Variants in ARID5A observed in about 807,000 individuals in gnomAD.
ARID5A encodes the protein AT-rich interactive domain-containing protein 5A.
In ARID5A, 14 loss-of-function variants were observed where a neutral mutation model predicts 30.5. The ratio of observed to expected loss-of-function variants is 0.46; its 90% CI spans 0.30 to 0.72. ARID5A has a LOEUF of 0.72. ARID5A is among the 30% of genes least tolerant of loss of function. The pLI, the probability that ARID5A is intolerant of heterozygous loss-of-function variation, is 0.07. For missense variants in ARID5A, 669 were observed against 786.2 expected (o/e 0.85, Z 1.78); for synonymous variants, 338 against 340.4 (o/e 0.99, Z 0.08).
chr2:96,536,972 G>C, intron 1 of ARID5A, 142 bp downstream of exon 1: 1 of 1,103,142 alleles, frequency 9.1e-7, no homozygotes, highest in Non-Finnish European at 1.1e-6. Context: ...TGGGTTTCGG[G>C]GCGCGGGCCA....
intron 2 of ARID5A, among the ~76,000 whole-genome samples, chr2:96,547,958 A>G (rs918425689): frequency 5.3e-5 from 8 of 152,330 alleles, no homozygotes; most frequent in Middle Eastern, 3.4e-3. Flanking sequence ...CTTTGGTGGC[A>G]CAGTCTGGAA....
chr2:96,542,221 C>T (rs1323525635), intron 1 of ARID5A, among the ~76,000 whole-genome samples: 1 of 152,192 alleles, frequency 6.6e-6, no homozygotes, highest in Non-Finnish European at 1.5e-5. Flanking sequence ...AGAGGACTCT[C>T]CCTTCTTGCT....
chr2:96,538,189 C>T (rs1469734412), intron 1 of ARID5A: 2 of 985,324 alleles, frequency 2.0e-6, no homozygotes, highest in East Asian at 1.1e-4. Flanking sequence ...GCCTCTGCCC[C>T]GTAGGTGAAA....
chr2:96,551,391 C>A lies in ARID5A; in HGVS notation c.863C>A (p.Ala288Glu), dbSNP rs758944425. The change falls in exon 7 of 7, where the codon GCG becomes GAG. Residue 288 changes from alanine (A) to glutamate (E), a missense_variant. Ala to Glu is a moderately radical substitution (Grantham distance 107, BLOSUM62 -1). This residue lies in a region of ARID5A where 548 missense variants were observed against 577.4 expected (regional missense o/e 0.95). Transcript: ENST00000357485. ...TGCCGCCATGGGGCAGAGCCCCAGG[C>A]GTCCCCAGCTGTTCACCTCCCAGAG... Reference protein sequence around the residue: ...EGCRHGAEPQASPAVHLPESP... With the variant: ...EGCRHGAEPQESPAVHLPESP... 6.2e-7 allele frequency: 1 copy of A among 1,609,962 alleles called. No individual in the cohort carries two copies. Among genetic ancestry groups the A allele is most frequent in the Non-Finnish European group, 8.5e-7 (1 of 1,178,862 alleles).
chr2:96,541,567 G>A (rs1319399521), intron 1 of ARID5A, among the ~76,000 whole-genome samples: 1 of 152,190 alleles, frequency 6.6e-6, no homozygotes, highest in African/African-American at 2.4e-5. Flanking sequence ...CATTGGAGGA[G>A]GAGGCTACTC....
rs964958739 is a variant in ARID5A, at chr2:96,536,772, C to G, written c.-55C>G. 6.6e-6 allele frequency: 8 copies of G among 1,214,850 alleles called. No individual in the cohort carries two copies. The highest frequency in any genetic ancestry group is 7.2e-6 in the Non-Finnish European group (7 of 977,890). 75.3% of individuals were successfully genotyped at this position (1,214,850 alleles called of 1,614,324 possible). On this transcript the variant is annotated 5_prime_UTR_variant, in exon 1 of 7. Coordinates refer to ENST00000357485, the MANE Select transcript of ARID5A (RefSeq NM_212481.3). Reference sequence around the variant, plus strand: ...CCAGTATCTCAGAGAGCGCGGGGTCCGGACAGCCGCGCGCTGAGGGTCTCG... The same window carrying G: ...CCAGTATCTCAGAGAGCGCGGGGTCGGGACAGCCGCGCGCTGAGGGTCTCG...
chr2:96,538,046 C>G, intron 1 of ARID5A: 1 of 985,520 alleles, frequency 1.0e-6, no homozygotes, highest in Non-Finnish European at 1.2e-6. Flanking sequence ...GAGGGCTTCA[C>G]CCCGCAGCAG....
Position 96,550,751 on chromosome 2 carries a change from T to C in ARID5A, c.570+18T>C. The C allele has an allele frequency of 6.5e-7, 1 of 1,541,768 alleles. No individual in the cohort carries two copies. The highest frequency in any genetic ancestry group is 8.7e-7 in the Non-Finnish European group (1 of 1,143,408). On this transcript the variant is annotated intron_variant, in intron 6 of 6. Transcript: ENST00000357485. The surrounding 1 kb of genome is among the most constrained non-coding windows in gnomAD (Gnocchi z 6.6). ...TGGACCAGGTAGGCCTGCGGCTGGC[T>C]GGGGCCACCCTGTCCCTTGCCTCTT...
At chr2:96,545,750 T>G (rs1044796139) in intron 1 of ARID5A, among the ~76,000 whole-genome samples, 4 of 151,648 alleles carry the variant, frequency 2.6e-5, no homozygotes, top group African/African-American at 9.7e-5. Flanking sequence ...GGTCAGGAGT[T>G]TGAGACCAGT....
intron 1 of ARID5A, among the ~76,000 whole-genome samples, chr2:96,546,892 CTCTGTG>C (rs2065938316): frequency 6.6e-6 from 1 of 152,216 alleles, no homozygotes; most frequent in African/African-American, 2.4e-5. Flanking sequence ...TGCTTCTCAA[CTCTGTG>C]TCTGAGCATG....
chr2:96,539,724 TC>T lies in ARID5A; in HGVS notation c.4+2899del, dbSNP rs1217363934. 8.7e-6 allele frequency among the ~76,000 whole-genome samples: 1 copy of T among 115,304 alleles called. No individual in the cohort carries two copies. The highest frequency in any genetic ancestry group is 4.0e-5 in the African/African-American group (1 of 25,126). 75.6% of individuals were successfully genotyped at this position (115,304 alleles called of 152,430 possible). A position where few individuals can be genotyped will look rare whatever the true frequency, so the allele number is the denominator to read the frequency against. ...TGGGGGCCATGCCCCTTCCCGGCCCTCCCCCTCTCCCCGCTGCTGCCCAGCT... is the reference window on the plus strand; with the variant it reads ...TGGGGGCCATGCCCCTTCCCGGCCCTCCCCTCTCCCCGCTGCTGCCCAGCT... On this transcript the variant is annotated intron_variant, in intron 1 of 6. Coordinates refer to ENST00000357485, the MANE Select transcript of ARID5A (RefSeq NM_212481.3). This position sits in a 1 kb window ranked among gnomAD's most constrained non-coding sequence, Gnocchi z 4.7.
chr2:96,543,287 G>A (rs1317646269), intron 1 of ARID5A, among the ~76,000 whole-genome samples: 1 of 152,156 alleles, frequency 6.6e-6, no homozygotes, highest in Non-Finnish European at 1.5e-5. Flanking sequence ...TCTTTAAAAT[G>A]GAATTCCTCC....
chr2:96,552,379 C>T lies in ARID5A; in HGVS notation c.*66C>T, dbSNP rs2066072138. 6.2e-7 allele frequency: 1 copy of T among 1,603,754 alleles called. No individual in the cohort carries two copies. ...GCCTACAACAGGCAGGTACTGCTGC[C>T]AGGGGGCTCTGAACTAGTGCCTGCT... On this transcript the variant is annotated 3_prime_UTR_variant, in exon 7 of 7. Coordinates refer to ENST00000357485, the MANE Select transcript of ARID5A (RefSeq NM_212481.3).
In ARID5A at chr2:96,549,268, A is replaced by T; in HGVS notation, c.121-53A>T. 2 of 1,589,706 alleles carry T rather than the reference A, an allele frequency of 1.3e-6. No individual in the cohort carries two copies. Among genetic ancestry groups the T allele is most frequent in the African/African-American group, 2.7e-5 (2 of 74,080 alleles). On this transcript the variant is annotated intron_variant, in intron 2 of 6. Coordinates refer to ENST00000357485, the MANE Select transcript of ARID5A (RefSeq NM_212481.3). The surrounding 1 kb of genome is among the most constrained non-coding windows in gnomAD (Gnocchi z 6.1). Reference sequence around the variant, plus strand: ...CAGCCAGTGGTTTCTGCACATCCCCAGCAGCCAGCCACCAACTGGGGCCCA... The same window carrying T: ...CAGCCAGTGGTTTCTGCACATCCCCTGCAGCCAGCCACCAACTGGGGCCCA...
rs2065947479 is a variant in ARID5A, at chr2:96,547,397, T to C, written c.5-5T>C. The C allele has an allele frequency of 6.2e-7, 1 of 1,613,336 alleles. No individual in the cohort carries two copies. Among genetic ancestry groups the C allele is most frequent in the East Asian group, 2.2e-5 (1 of 44,844 alleles). On this transcript the variant is annotated splice_region_variant and splice_polypyrimidine_tract_variant and intron_variant, in intron 1 of 6. Coordinates refer to ENST00000357485, the MANE Select transcript of ARID5A (RefSeq NM_212481.3). ...CCTCCTTACTCCTTCCCTCTCTCCT[T>C]GCAGCAGCCCCTGTCAAAGGGAACA...
Position 96,550,570 on chromosome 2 carries a change from C to T in ARID5A, c.411-4C>T, listed in dbSNP as rs2066017365. ...CCTGGGGGACATGCGTGGTTCCTCACCAGGCTGGTCCTGCCATACGTGCGG... is the reference window on the plus strand; with the variant it reads ...CCTGGGGGACATGCGTGGTTCCTCATCAGGCTGGTCCTGCCATACGTGCGG... On this transcript the variant is annotated splice_polypyrimidine_tract_variant and splice_region_variant and intron_variant, in intron 5 of 6. Transcript: ENST00000357485. This position sits in a 1 kb window ranked among gnomAD's most constrained non-coding sequence, Gnocchi z 6.6. 9 of 1,593,916 alleles carry T rather than the reference C, an allele frequency of 5.6e-6. No homozygotes were observed. Among genetic ancestry groups the T allele is most frequent in the Non-Finnish European group, 7.7e-6 (9 of 1,171,452 alleles).
Position 96,551,441 on chromosome 2 carries a change from A to C in ARID5A, c.913A>C (p.Thr305Pro). 6.3e-7 allele frequency: 1 copy of C among 1,595,888 alleles called. No individual in the cohort carries two copies. The highest frequency in any genetic ancestry group is 8.5e-7 in the Non-Finnish European group (1 of 1,171,878). ...PESPQSPKGL[T>P]ENSRHRLTPQ... is the part of the protein sequence containing the mutation. Reference sequence around the variant, plus strand: ...GAGTCCCCAGAGCCCCAAAGGGCTGACTGAGAACTCCAGGCACCGGCTGAC... The same window carrying C: ...GAGTCCCCAGAGCCCCAAAGGGCTGCCTGAGAACTCCAGGCACCGGCTGAC... Residue 305 changes from threonine (T) to proline (P), a missense_variant, in exon 7 of 7, where the codon ACT (threonine) becomes CCT (proline). Coordinates refer to ENST00000357485, the MANE Select transcript of ARID5A (RefSeq NM_212481.3).
In ARID5A at chr2:96,551,532, C is replaced by T. The variant is rs768451723; in HGVS notation, c.1004C>T (p.Pro335Leu). Residue 335 changes from proline (P) to leucine (L), a missense_variant, in exon 7 of 7, where the codon CCG (proline) becomes CTG (leucine). Physicochemically the swap from Pro to Leu is moderately conservative, Grantham distance 98. This residue lies in a region of ARID5A where 548 missense variants were observed against 577.4 expected (regional missense o/e 0.95). Transcript: ENST00000357485. ...GAGGAGGCGCAGGCAGGCCCCTGCC[C>T]GGCAGCCCCCATCTTCAAGGGCTGC... ...LREEAQAGPC[P>L]AAPIFKGCFY... is the part of the protein sequence containing the mutation. 1.4e-5 allele frequency: 23 copies of T among 1,604,120 alleles called. No homozygotes were observed. The African/African-American group carries it at 1.7e-4, about 12-fold the overall frequency.
In ARID5A at chr2:96,539,748, G is replaced by A. The variant is rs2065812439; in HGVS notation, c.4+2918G>A. The stretch of plus-strand genomic sequence containing the variant: ...CTCCCCCTCTCCCCGCTGCTGCCCA[G>A]CTCTCTGACCAGCCCCCTCCCATCC... On this transcript the variant is annotated intron_variant, in intron 1 of 6. Coordinates refer to ENST00000357485, the MANE Select transcript of ARID5A (RefSeq NM_212481.3). This position sits in a 1 kb window ranked among gnomAD's most constrained non-coding sequence, Gnocchi z 4.7. Among the ~76,000 whole-genome samples, 1 of 136,152 alleles carries A rather than the reference G, an allele frequency of 7.3e-6. No individual in the cohort carries two copies. The allele number at this position is 136,152 out of a possible 152,430, so 89.3% of individuals were successfully genotyped here.
Sources: allele counts gnomAD v4.1 joint callset (sites outside exome capture counted in the v4.1 genomes callset), GRCh38; gene constraint gnomAD v4.1.1; regional missense constraint gnomAD v4.1.1; non-coding constraint Gnocchi (gnomAD v3.1); transcripts MANE v1.5; gene names NCBI Gene and HGNC (gene_info 2026-07-23, HGNC 2026-07-21).